Variants in LOC400499 observed in about 807,000 individuals in gnomAD.
the LOC400499 span, among the ~76,000 whole-genome samples, chr16:11,436,289 T>C: frequency 1.3e-5 from 2 of 152,002 alleles, no homozygotes; most frequent in Non-Finnish European, 2.9e-5. Context: ...CCCCAGAGAG[T>C]GCCCCACGGG....
chr16:11,516,955 A>G, the LOC400499 span, among the ~76,000 whole-genome samples: 1 of 152,186 alleles, frequency 6.6e-6, no homozygotes, highest in Non-Finnish European at 1.5e-5. Flanking sequence ...CCTCTTGTCT[A>G]TTTTGAACCA....
chr16:11,509,234 C>T, the LOC400499 span, among the ~76,000 whole-genome samples: 12 of 151,140 alleles, frequency 7.9e-5, no homozygotes, highest in Middle Eastern at 6.9e-3. Flanking sequence ...TCTCCTGCCT[C>T]GGCTTCCTGA....
the LOC400499 span, among the ~76,000 whole-genome samples, chr16:11,468,769 A>C: frequency 6.6e-6 from 1 of 152,154 alleles, no homozygotes; most frequent in African/African-American, 2.4e-5. Flanking sequence ...CTCGGATTAC[A>C]GGCACCCGCC....
At chr16:11,401,593 G>C in the LOC400499 span, among the ~76,000 whole-genome samples, 1 of 152,220 alleles carries the variant, frequency 6.6e-6, no homozygotes, top group Non-Finnish European at 1.5e-5. Flanking sequence ...GGAAATCCAG[G>C]CTTAGAGAGG....
At chr16:11,396,748 G>A in the LOC400499 span, 44 of 1,174,448 alleles carry the variant, frequency 3.7e-5, no homozygotes, top group South Asian at 9.5e-4. Flanking sequence ...CCCCTGCACC[G>A]AGAATGCAGC....
the LOC400499 span, chr16:11,399,561 C>T: frequency 2.5e-6 from 1 of 398,768 alleles, no homozygotes; most frequent in Non-Finnish European, 4.4e-6. Context: ...GTGAAGGCCC[C>T]GCAGGCCTGG....
At chr16:11,444,649 G>A in the LOC400499 span, among the ~76,000 whole-genome samples, 2 of 152,196 alleles carry the variant, frequency 1.3e-5, no homozygotes, top group African/African-American at 4.8e-5. Flanking sequence ...ATCCTGGCAT[G>A]CAATGGGTGT....
At chr16:11,379,582 C>T in the LOC400499 span, among the ~76,000 whole-genome samples, 1 of 152,242 alleles carries the variant, frequency 6.6e-6, no homozygotes, top group Non-Finnish European at 1.5e-5. Flanking sequence ...AACTGACTAA[C>T]CTGGTGACTG....
At chr16:11,483,347 C>T in the LOC400499 span, among the ~76,000 whole-genome samples, 1 of 152,140 alleles carries the variant, frequency 6.6e-6, no homozygotes, top group African/African-American at 2.4e-5. Context: ...AAAACTTGTA[C>T]ACAAATATTC....
At chr16:11,410,979 G>A in the LOC400499 span, among the ~76,000 whole-genome samples, 6 of 152,256 alleles carry the variant, frequency 3.9e-5, no homozygotes, top group South Asian at 2.1e-4. Context: ...AATGCCAGGC[G>A]CCAGGCACTG....
At chr16:11,409,268 G>GA in the LOC400499 span, among the ~76,000 whole-genome samples, 3 of 151,546 alleles carry the variant, frequency 2.0e-5, no homozygotes, top group Admixed American at 1.3e-4. Flanking sequence ...CTCAAAAAAA[G>GA]AAAAAATAAA....
At chr16:11,392,655 G>C in the LOC400499 span, 1 of 462,280 alleles carries the variant, frequency 2.2e-6, no homozygotes, top group Non-Finnish European at 2.9e-6. Context: ...GCAACCACCT[G>C]AGCCACCTGA....
the LOC400499 span, chr16:11,392,178 G>A: frequency 5.0e-6 from 2 of 399,050 alleles, no homozygotes; most frequent in South Asian, 1.3e-4. Context: ...AGCAGCAGGT[G>A]TGGGCCTCAC....
the LOC400499 span, chr16:11,514,528 G>A: frequency 1.3e-5 from 5 of 399,692 alleles, no homozygotes; most frequent in Non-Finnish European, 2.2e-5. Context: ...TCAGGCGGGA[G>A]GTCAGGCCGG....
the LOC400499 span, among the ~76,000 whole-genome samples, chr16:11,522,802 G>A: frequency 6.6e-6 from 1 of 152,166 alleles, no homozygotes; most frequent in Non-Finnish European, 1.5e-5. Flanking sequence ...GATCTTTATA[G>A]AAGATAAAGC....
chr16:11,383,867 G>A, the LOC400499 span: 1 of 1,232,154 alleles, frequency 8.1e-7, no homozygotes, highest in Non-Finnish European at 1.0e-6. Context: ...TGCACCCCAT[G>A]GGCCAGGCTC....
the LOC400499 span, among the ~76,000 whole-genome samples, chr16:11,437,215 T>C: frequency 1.3e-5 from 2 of 152,138 alleles, no homozygotes; most frequent in Non-Finnish European, 2.9e-5. Context: ...AGGGAAACTG[T>C]TATGAATGAT....
the LOC400499 span, among the ~76,000 whole-genome samples, chr16:11,481,248 G>A: frequency 6.6e-6 from 1 of 152,200 alleles, no homozygotes; most frequent in African/African-American, 2.4e-5. Flanking sequence ...CTCTTTTGGG[G>A]GTGATAAAAA....
chr16:11,451,817 G>C, the LOC400499 span, among the ~76,000 whole-genome samples: 1 of 152,156 alleles, frequency 6.6e-6, no homozygotes, highest in Admixed American at 6.5e-5. Context: ...CAGATGCAGG[G>C]ACAAAGACAC....
Sources: gnomAD v4.1 joint callset for allele counts (sites outside exome capture counted in the v4.1 genomes callset) on GRCh38, gnomAD v4.1.1 for gene constraint, MANE v1.5 for transcripts.